The following PHF8 variants were observed in gnomAD, a reference collection of about 807,000 sequenced individuals.
PHF8 encodes the protein histone lysine demethylase PHF8.
Under a neutral mutation model 74.4 loss-of-function variants are expected in PHF8, and 9 were observed. The ratio of observed to expected loss-of-function variants is 0.12; its 90% CI spans 0.07 to 0.21. The LOEUF (loss-of-function observed/expected upper bound fraction) is 0.21, where lower values mean the gene tolerates loss of function less well. PHF8 is among the 10% of genes least tolerant of loss of function. The pLI is 1.00. For synonymous variants in PHF8, 311 were observed against 316.6 expected, an observed-to-expected ratio of 0.98 and a Z score of 0.19; for missense variants, 478 against 816.6, an observed-to-expected ratio of 0.59 and a Z score of 5.05.
chrX:53,969,198 G>C lies in PHF8; in HGVS notation c.2444-6259C>G, dbSNP rs1180490383. On this transcript the variant is annotated intron_variant, in intron 18 of 21. Transcript: ENST00000338154. ...TGCAGTGAGCTGAGATCATGCCACT[G>C]AACTCCAGCCTGGGTGACAGAACGA... 5.4e-5 allele frequency among the ~76,000 whole-genome samples: 6 copies of C among 111,064 alleles called. No homozygotes were observed. The Admixed American group carries it at 5.8e-4, about 11-fold the overall frequency.
chrX:53,947,918 T>C (rs2064854940), intron 19 of PHF8, among the ~76,000 whole-genome samples: 1 of 111,745 alleles, frequency 8.9e-6, no homozygotes, highest in Non-Finnish European at 1.9e-5. Context: ...GCATCAAACA[T>C]GTAAGTGAAA....
At chrX:53,987,619 G>C in intron 15 of PHF8, 147 bp downstream of exon 15, 1 of 509,156 alleles carries the variant, frequency 2.0e-6, no homozygotes, top group East Asian at 3.7e-5. Flanking sequence ...TGAGGCAGGA[G>C]AATCACTTGA....
At chrX:54,014,309 T>C in intron 7 of PHF8, 68 bp downstream of exon 7, 1 of 743,147 alleles carries the variant, frequency 1.3e-6, no homozygotes, top group South Asian at 2.1e-5. Flanking sequence ...AATGTTTCTG[T>C]GCTGCCATGT....
At chrX:53,991,128 T>C (rs782177720) in intron 14 of PHF8, among the ~76,000 whole-genome samples, 2 of 112,241 alleles carry the variant, frequency 1.8e-5, no homozygotes, top group Non-Finnish European at 1.9e-5. Flanking sequence ...ACACTGAATA[T>C]GTGTCACAGC....
rs184725795 is a variant in PHF8 at position 53,940,643 on chromosome X, G to A, written c.2650-127C>T. 61 of 511,047 alleles carry A rather than the reference G, an allele frequency of 1.2e-4. 1 individual carries two copies. Among genetic ancestry groups the A allele is most frequent in the Non-Finnish European group, 3.4e-6 (1 of 290,470 alleles). 42.1% of individuals were successfully genotyped at this position (511,047 alleles called of 1,213,427 possible). ...CCACCCTCTCCCTTACCTGCACCAA[G>A]TCTAGCCTGGATGTACACACAGCAC... On this transcript the variant is annotated intron_variant, in intron 20 of 21. Transcript: ENST00000338154.
In PHF8 at chrX:53,985,312, A is replaced by C. The variant is rs782140097; in HGVS notation, c.2130-85T>G. ...TCATCAGAATACTCAGGGAGGAGGG[A>C]TGATAGCTATGAGGATCAAAGTGGG... is the stretch of plus-strand genomic sequence containing the variant. On this transcript the variant is annotated intron_variant, in intron 17 of 21. Coordinates refer to ENST00000338154, the MANE Select transcript of PHF8 (RefSeq NM_015107.3). 1,437 of 750,210 alleles carry C rather than the reference A, an allele frequency of 1.9e-3. 4 individuals are homozygous for C. Among genetic ancestry groups the C allele is most frequent in the Non-Finnish European group, 2.5e-3 (1,253 of 499,452 alleles). The allele number at this position is 750,210 out of a possible 1,213,427, so 61.8% of individuals were successfully genotyped here.
At chrX:53,950,760 C>T (rs1017420357) in intron 19 of PHF8, among the ~76,000 whole-genome samples, 24 of 112,535 alleles carry the variant, frequency 2.1e-4, no homozygotes, top group Non-Finnish European at 3.8e-4. Flanking sequence ...AGAAAAGCCA[C>T]TAAACAAAAC....
intron 18 of PHF8, among the ~76,000 whole-genome samples, chrX:53,983,804 T>C (rs1398595066): frequency 1.8e-5 from 2 of 112,321 alleles, no homozygotes; most frequent in Non-Finnish European, 3.8e-5. Flanking sequence ...ATGCAGCAGA[T>C]AGATCTCTGT....
chrX:53,966,791 G>A (rs1296068510), intron 18 of PHF8, among the ~76,000 whole-genome samples: 9 of 109,590 alleles, frequency 8.2e-5, no homozygotes, highest in Non-Finnish European at 1.2e-4. Flanking sequence ...AGTGAGGAGC[G>A]CCTCTTCCCG....
chrX:54,000,080 C>A, intron 10 of PHF8, 119 bp from the exon 11 acceptor site: 1 of 519,578 alleles, frequency 1.9e-6, no homozygotes. Flanking sequence ...AACTGCAGAT[C>A]TCAGTTCTTC....
chrX:53,986,628 A>G (rs991742056), intron 16 of PHF8, among the ~76,000 whole-genome samples: 1 of 112,349 alleles, frequency 8.9e-6, no homozygotes, highest in Non-Finnish European at 1.9e-5. Flanking sequence ...CACTTGGCAC[A>G]CAATCTTTCA....
chrX:53,977,318 G>C, intron 18 of PHF8, among the ~76,000 whole-genome samples: 1 of 112,101 alleles, frequency 8.9e-6, no homozygotes, highest in East Asian at 2.8e-4. Flanking sequence ...CTGGGTGACA[G>C]AGCAAGACTG....
At chrX:54,011,744 A>C (rs781959293) in intron 7 of PHF8, among the ~76,000 whole-genome samples, 1 of 110,858 alleles carries the variant, frequency 9.0e-6, no homozygotes, top group Admixed American at 9.7e-5. Context: ...TAAAAGTTTA[A>C]AAGTTCAGTA....
At chrX:53,944,493 C>T (rs1557084543) in intron 19 of PHF8, 2 of 360,359 alleles carry the variant, frequency 5.6e-6, no homozygotes, top group Non-Finnish European at 9.8e-6. Flanking sequence ...TTTGGCTGGG[C>T]ATGATGGTTC....
At chrX:54,032,853 A>C (rs2066385803) in intron 2 of PHF8, among the ~76,000 whole-genome samples, 1 of 111,337 alleles carries the variant, frequency 9.0e-6, no homozygotes. Context: ...CCCAGGTTTG[A>C]TCTGTGGTCC....
chrX:54,023,949 T>C lies in PHF8; in HGVS notation c.99-1106A>G, dbSNP rs181735097. 3.6e-5 allele frequency among the ~76,000 whole-genome samples: 4 copies of C among 110,272 alleles called. No individual in the cohort carries two copies. In the East Asian group the frequency reaches 1.1e-3, roughly 31 times the overall value. ...GCTCAAGTTGTTTCAGCCAAGATCA[T>C]GCTCATAAATGGACTTCCTGGGATT... On this transcript the variant is annotated intron_variant, in intron 2 of 21. Transcript: ENST00000338154.
At chrX:54,044,515 C>T (rs972415391), upstream of PHF8, 9 of 537,094 alleles carry the variant, frequency 1.7e-5, no homozygotes, top group Middle Eastern at 1.1e-3. Context: ...CGCCGGCTCC[C>T]GGGTGACGTC....
At chrX:53,966,840 C>T (rs1200630875) in intron 18 of PHF8, among the ~76,000 whole-genome samples, 36 of 109,556 alleles carry the variant, frequency 3.3e-4, no homozygotes, top group Non-Finnish European at 5.7e-5. Flanking sequence ...CGTCTCTGCC[C>T]GGCCGCCCAT....
At chrX:53,991,114 T>C (rs1309416862) in intron 14 of PHF8, among the ~76,000 whole-genome samples, 2 of 112,179 alleles carry the variant, frequency 1.8e-5, no homozygotes, top group Non-Finnish European at 3.8e-5. Flanking sequence ...TTTGCCAAAG[T>C]AGAACACTGA....
Sources: allele counts gnomAD v4.1 joint callset (sites outside exome capture counted in the v4.1 genomes callset), GRCh38; gene constraint gnomAD v4.1.1; transcripts MANE v1.5; gene names NCBI Gene and HGNC (gene_info 2026-07-23, HGNC 2026-07-21).